The following TREM1 variants were observed in gnomAD, a reference collection of about 807,000 sequenced individuals.
TREM1 encodes the protein triggering receptor expressed on monocytes 1.
Under a neutral mutation model 22.4 loss-of-function variants are expected in TREM1, and 16 were observed. That is an observed-to-expected ratio of 0.71 (90% CI 0.48 to 1.08). The LOEUF (loss-of-function observed/expected upper bound fraction) is 1.08. Among genes scored for constraint, TREM1 ranks in the 50% least tolerant of loss-of-function variants. TREM1 has a pLI of 0.00. For synonymous variants in TREM1, 110 were observed against 111.6 expected (o/e 0.99, Z 0.09); for missense variants, 283 against 282.9 (o/e 1.00, Z 0.00).
chr6:41,286,197 G>T (rs1056481942), intron 1 of TREM1, among the ~76,000 whole-genome samples: 2 of 152,144 alleles, frequency 1.3e-5, no homozygotes, highest in African/African-American at 2.4e-5. Flanking sequence ...CTGTCCCATA[G>T]TAGACCCCTG....
At chr6:41,280,510 A>G (rs1236176721) in intron 3 of TREM1, 1 of 1,041,740 alleles carries the variant, frequency 9.6e-7, no homozygotes, top group African/African-American at 1.7e-5. Flanking sequence ...AATGTCTTCC[A>G]GCTTTGGGTT....
chr6:41,276,870 G>A lies in TREM1; in HGVS notation c.600-640C>T, dbSNP rs960581870. Among the ~76,000 whole-genome samples the A allele has an allele frequency of 4.6e-5, 7 of 152,036 alleles. 1 individual carries two copies. The highest frequency in any genetic ancestry group is 1.7e-4 in the African/African-American group (7 of 41,394). On this transcript the variant is annotated intron_variant, in intron 3 of 3. Coordinates refer to ENST00000244709, the MANE Select transcript of TREM1 (RefSeq NM_018643.5). ...AGCCAGTGCTATGCAGGAACATAAT[G>A]TCTAAGGAAATCAGAGGTCCAGTGG...
In TREM1 at chr6:41,275,790, G is replaced by A. The variant is rs1011591459; in HGVS notation, c.*335C>T. On this transcript the variant is annotated 3_prime_UTR_variant, in exon 4 of 4. Transcript: ENST00000244709. ...AAACTGAGCAGGAGAAGTATCAGGT[G>A]TGCCTTCTGCATGTCACAGCCCCCA... 28 of 334,310 alleles carry A rather than the reference G, an allele frequency of 8.4e-5. No homozygotes were observed. Among genetic ancestry groups the A allele is most frequent in the Middle Eastern group, 1.9e-3 (2 of 1,060 alleles). 20.7% of individuals were successfully genotyped at this position (334,310 alleles called of 1,614,324 possible). A position where few individuals can be genotyped will look rare whatever the true frequency, so the allele number is the denominator to read the frequency against.
chr6:41,274,573 A>C lies in TREM1; in HGVS notation c.*1552T>G, dbSNP rs1767590023. Among the ~76,000 whole-genome samples the C allele has an allele frequency of 6.6e-6, 1 of 152,162 alleles. No individual in the cohort carries two copies. Among genetic ancestry groups the C allele is most frequent in the Non-Finnish European group, 1.5e-5 (1 of 68,038 alleles). The stretch of plus-strand genomic sequence containing the variant: ...TTTAGGTAGGAAAATAAATGCACCA[A>C]GATTAACAGCTTCTGGATCTAGTGC... On this transcript the variant is annotated 3_prime_UTR_variant, in exon 4 of 4. Coordinates refer to ENST00000244709, the MANE Select transcript of TREM1 (RefSeq NM_018643.5).
At chr6:41,278,136 AGCTAATCTCAAATTCCTGG>A (rs1767744166) in intron 3 of TREM1, among the ~76,000 whole-genome samples, 1 of 151,356 alleles carries the variant, frequency 6.6e-6, no homozygotes, top group South Asian at 2.1e-4. Context: ...ATGTTGCCCA[AGCTAATCTCAAATTCCTGG>A]GCTCAAGTGA....
chr6:41,282,213 T>C, intron 2 of TREM1, 182 bp downstream of exon 2: 1 of 575,078 alleles, frequency 1.7e-6, no homozygotes, highest in East Asian at 2.8e-5. Context: ...TAGGCTGTGC[T>C]ATCCAAGGAG....
downstream of TREM1, among the ~76,000 whole-genome samples, chr6:41,272,801 G>A (rs1341951095): frequency 6.6e-6 from 1 of 152,126 alleles, no homozygotes; most frequent in Non-Finnish European, 1.5e-5. Context: ...TAACCACCAT[G>A]GATTGAAGTC....
chr6:41,271,936 G>GAGCAGCAGC (rs1348859845), downstream of TREM1, among the ~76,000 whole-genome samples: 1 of 152,004 alleles, frequency 6.6e-6, no homozygotes, highest in Non-Finnish European at 1.5e-5. Context: ...GCAGCAGCAG[G>GAGCAGCAGC]AGCAGCAGCA....
downstream of TREM1, among the ~76,000 whole-genome samples, chr6:41,271,364 C>A (rs986303275): frequency 6.6e-6 from 1 of 152,152 alleles, no homozygotes; most frequent in African/African-American, 2.4e-5. Context: ...AGGTTAGAAA[C>A]CTTACTCAAG....
intron 1 of TREM1, among the ~76,000 whole-genome samples, chr6:41,284,334 C>T (rs1290563605): frequency 1.3e-5 from 2 of 152,158 alleles, no homozygotes; most frequent in Non-Finnish European, 2.9e-5. Context: ...GTCAATAGTG[C>T]CATGTTTGAG....
At chr6:41,273,347 G>C (rs1340459864), downstream of TREM1, among the ~76,000 whole-genome samples, 1 of 152,162 alleles carries the variant, frequency 6.6e-6, no homozygotes, top group Admixed American at 6.5e-5. Flanking sequence ...TTCCCTTGCT[G>C]TTTTAGATAG....
intron 1 of TREM1, among the ~76,000 whole-genome samples, chr6:41,284,643 T>C (rs1768078756): frequency 6.6e-6 from 1 of 152,124 alleles, no homozygotes; most frequent in Non-Finnish European, 1.5e-5. Flanking sequence ...ACGGTAACAC[T>C]AGTACTGCTG....
At chr6:41,268,199 T>A (rs2113966024) in intron 3 of TREM1, 1 of 397,398 alleles carries the variant, frequency 2.5e-6, no homozygotes, top group Middle Eastern at 6.3e-4. Flanking sequence ...AGAAATTCCC[T>A]TAGACAAGAA....
chr6:41,278,170 C>T (rs1275339237), intron 3 of TREM1, among the ~76,000 whole-genome samples: 1 of 151,772 alleles, frequency 6.6e-6, no homozygotes, highest in Non-Finnish European at 1.5e-5. Context: ...AAGTGATTCT[C>T]CCACCTCAGC....
In TREM1 at chr6:41,276,164, A is replaced by G; in HGVS notation, c.666T>C (p.Ser222=). The G allele has an allele frequency of 6.2e-7, 1 of 1,614,222 alleles. No homozygotes were observed. Among genetic ancestry groups the G allele is most frequent in the Non-Finnish European group, 8.5e-7 (1 of 1,180,040 alleles). Residue 222 remains serine (S), a synonymous_variant, in exon 4 of 4, where the codon TCT becomes TCC. Coordinates refer to ENST00000244709, the MANE Select transcript of TREM1 (RefSeq NM_018643.5). ...GGFLSKSLVF[S]VLFAVTLRSF... ...ACCTCAGCGTGACAGCAAACAGGAC[A>G]GAGAAGACCAGGCTCTTACTCAGGA...
chr6:41,271,136 C>T (rs1582135755), downstream of TREM1, among the ~76,000 whole-genome samples: 1 of 152,190 alleles, frequency 6.6e-6, no homozygotes, highest in East Asian at 1.9e-4. Context: ...ACAGTTGTAG[C>T]TGGCACTAGT....
intron 3 of TREM1, among the ~76,000 whole-genome samples, chr6:41,268,418 G>A (rs937962829): frequency 2.0e-5 from 3 of 152,164 alleles, no homozygotes; most frequent in Admixed American, 6.5e-5. Flanking sequence ...CATTTCTCTT[G>A]TCTTTTTTAA....
intron 3 of TREM1, chr6:41,268,132 A>T: frequency 5.0e-6 from 2 of 398,560 alleles, no homozygotes. Flanking sequence ...GGGAGCCCAT[A>T]CAGGAGATAG....
downstream of TREM1, among the ~76,000 whole-genome samples, chr6:41,272,466 C>T: frequency 6.6e-6 from 1 of 152,202 alleles, no homozygotes; most frequent in Middle Eastern, 3.2e-3. Flanking sequence ...TCTTTAATAT[C>T]ACCCCGCACC....
Sources: gnomAD v4.1 joint callset for allele counts (sites outside exome capture counted in the v4.1 genomes callset) on GRCh38, gnomAD v4.1.1 for gene constraint, MANE v1.5 for transcripts, NCBI Gene and HGNC (gene_info 2026-07-23, HGNC 2026-07-21) for gene names.